The following COBL variants were observed in gnomAD, a reference collection of about 807,000 sequenced individuals.
The protein encoded by COBL is protein cordon-bleu.
COBL carries 51 observed loss-of-function variants against 98.8 expected under a neutral mutation model. That is an observed-to-expected ratio of 0.52 (90% CI 0.41 to 0.65). The LOEUF (loss-of-function observed/expected upper bound fraction) is 0.65, where lower values mean the gene tolerates loss of function less well. Ranked by LOEUF, COBL falls within the 30% of genes least tolerant of loss-of-function variation. The pLI, the probability that COBL is intolerant of heterozygous loss-of-function variation, is 0.00. For synonymous variants in COBL, 634 were observed against 651.7 expected (o/e 0.97, Z 0.41); for missense variants, 1,617 against 1,617.5 (o/e 1.00, Z 0.01).
At chr7:51,042,638 G>A (rs977722830) in intron 8 of COBL, among the ~76,000 whole-genome samples, 2 of 152,112 alleles carry the variant, frequency 1.3e-5, no homozygotes, top group Admixed American at 6.5e-5. Context: ...TTGGGATTAC[G>A]GGCATGAGCC....
At chr7:51,277,300 G>A (rs1459575081) in intron 1 of COBL, among the ~76,000 whole-genome samples, 1 of 152,176 alleles carries the variant, frequency 6.6e-6, no homozygotes, top group African/African-American at 2.4e-5. Flanking sequence ...GAAGGTATGT[G>A]TGTGCATCTG....
At chr7:51,168,085 T>C (rs1787498128) in intron 5 of COBL, among the ~76,000 whole-genome samples, 1 of 151,190 alleles carries the variant, frequency 6.6e-6, no homozygotes, top group African/African-American at 2.4e-5. Context: ...GTTTAAAAGC[T>C]TCTACACGGC....
chr7:51,242,191 C>T (rs1795850171), intron 1 of COBL, among the ~76,000 whole-genome samples: 1 of 152,184 alleles, frequency 6.6e-6, no homozygotes, highest in African/African-American at 2.4e-5. Flanking sequence ...ACTTCAGCCT[C>T]TGATTGGTCC....
chr7:51,308,065 G>A (rs561299945), intron 1 of COBL, among the ~76,000 whole-genome samples: 6 of 152,306 alleles, frequency 3.9e-5, no homozygotes, highest in East Asian at 1.9e-4. Flanking sequence ...GGATAGGTGG[G>A]CGGACGGGAA....
chr7:51,157,725 A>G (rs1254564851), intron 5 of COBL, among the ~76,000 whole-genome samples: 1 of 152,182 alleles, frequency 6.6e-6, no homozygotes, highest in Non-Finnish European at 1.5e-5. Flanking sequence ...AAGTCTATTT[A>G]TTGTACTATA....
At chr7:51,076,549 T>C (rs141121659) in intron 7 of COBL, among the ~76,000 whole-genome samples, 129 of 152,384 alleles carry the variant, frequency 8.5e-4, no homozygotes, top group Middle Eastern at 3.4e-3. Flanking sequence ...ATTATTATTA[T>C]TTCTGCATTG....
At chr7:51,242,346 C>CTT (rs1414753148) in intron 1 of COBL, among the ~76,000 whole-genome samples, 1 of 152,228 alleles carries the variant, frequency 6.6e-6, no homozygotes, top group Non-Finnish European at 1.5e-5. Context: ...CTCGGGTGCA[C>CTT]TCCAACCCTG....
chr7:51,253,783 T>C (rs1163014330), intron 1 of COBL, among the ~76,000 whole-genome samples: 1 of 152,248 alleles, frequency 6.6e-6, no homozygotes, highest in East Asian at 1.9e-4. Context: ...TCTTAAAATA[T>C]GTTCCAATAA....
At position 51,219,552 on chromosome 7, in the gene COBL, G is replaced by A. The variant is rs564902568; in HGVS notation, c.245+189C>T. Among the ~76,000 whole-genome samples the A allele has an allele frequency of 3.9e-5, 6 of 152,252 alleles. No homozygotes were observed. In the South Asian group the frequency reaches 1.0e-3, roughly 26 times the overall value. On this transcript the variant is annotated intron_variant, in intron 2 of 12. Coordinates refer to ENST00000265136, the MANE Select transcript of COBL (RefSeq NM_015198.5). ...ATCATGGCTGGATCAATTAGCATAA[G>A]CCCACCCCAGGTAAGACAGACAGTT...
At chr7:51,087,634 G>A (rs1194586071) in intron 6 of COBL, among the ~76,000 whole-genome samples, 4 of 151,858 alleles carry the variant, frequency 2.6e-5, no homozygotes, top group East Asian at 1.9e-4. Flanking sequence ...CCACCACGCC[G>A]GGCTAATTTT....
intron 5 of COBL, among the ~76,000 whole-genome samples, chr7:51,142,765 G>C (rs140949350): frequency 2.6e-3 from 391 of 152,274 alleles, no homozygotes; most frequent in African/African-American, 9.1e-3. Context: ...TTATGAAGCA[G>C]GACCATCTGC....
intron 2 of COBL, among the ~76,000 whole-genome samples, 178 bp downstream of exon 2, chr7:51,219,563 G>C (rs1396123975): frequency 1.3e-5 from 2 of 152,180 alleles, no homozygotes; most frequent in Admixed American, 1.3e-4. Flanking sequence ...CCCACCCCAG[G>C]TAAGACAGAC....
At chr7:51,153,612 A>T (rs1785791492) in intron 5 of COBL, among the ~76,000 whole-genome samples, 1 of 152,206 alleles carries the variant, frequency 6.6e-6, no homozygotes, top group African/African-American at 2.4e-5. Flanking sequence ...TACACAGTAG[A>T]TGGGCAATAT....
At chr7:51,218,509 C>T (rs1162141719) in intron 2 of COBL, among the ~76,000 whole-genome samples, 1 of 152,168 alleles carries the variant, frequency 6.6e-6, no homozygotes, top group Non-Finnish European at 1.5e-5. Context: ...AAGTTTCACT[C>T]GTTGCCCAGG....
rs185712154 is a variant in COBL, at chr7:51,090,707, C to T, written c.958-5403G>A. The stretch of plus-strand genomic sequence containing the variant: ...AAAGCACCCAGCTCACTGCTTATCC[C>T]TCGGGAGGAAATGAGTAAAAAGTAC... On this transcript the variant is annotated intron_variant, in intron 6 of 12. Coordinates refer to ENST00000265136, the MANE Select transcript of COBL (RefSeq NM_015198.5). 7.1e-3 allele frequency among the ~76,000 whole-genome samples: 1,084 copies of T among 152,332 alleles called. 13 individuals carry two copies. Among genetic ancestry groups the T allele is most frequent in the African/African-American group, 0.025 (1,052 of 41,572 alleles).
intron 4 of COBL, among the ~76,000 whole-genome samples, chr7:51,185,310 C>T (rs1480444393): frequency 6.6e-6 from 1 of 152,230 alleles, no homozygotes. Context: ...CCCAGCACTA[C>T]ACAGTCAAAC....
rs187726112 is a variant in COBL at position 51,065,025 on chromosome 7, T to C, written c.1096+20141A>G. Reference sequence around the variant, plus strand: ...TTTCAGACAGACAGAATTCATTACATTAGAACTGTGTGAATAACACTGATT... The same window carrying C: ...TTTCAGACAGACAGAATTCATTACACTAGAACTGTGTGAATAACACTGATT... On this transcript the variant is annotated intron_variant, in intron 7 of 12. Transcript: ENST00000265136. 1.4e-5 allele frequency: 9 copies of C among 624,050 alleles called. No individual in the cohort carries two copies. In the Admixed American group the frequency reaches 1.8e-4, roughly 12 times the overall value. 38.7% of individuals were successfully genotyped at this position (624,050 alleles called of 1,614,324 possible). A position where few individuals can be genotyped will look rare whatever the true frequency, so the allele number is the denominator to read the frequency against.
At chr7:51,058,706 T>C (rs1791018399) in intron 7 of COBL, among the ~76,000 whole-genome samples, 1 of 152,192 alleles carries the variant, frequency 6.6e-6, no homozygotes, top group Admixed American at 6.5e-5. Context: ...ACAGTATTCA[T>C]TCACTCAGGA....
intron 6 of COBL, among the ~76,000 whole-genome samples, chr7:51,114,767 A>G (rs996968505): frequency 6.6e-5 from 10 of 152,184 alleles, no homozygotes; most frequent in African/African-American, 2.4e-4. Flanking sequence ...CTACCCTGTT[A>G]CGTCACTCTT....
Sources: gnomAD v4.1 joint callset for allele counts (sites outside exome capture counted in the v4.1 genomes callset) on GRCh38, gnomAD v4.1.1 for gene constraint, MANE v1.5 for transcripts, NCBI Gene and HGNC (gene_info 2026-07-23, HGNC 2026-07-21) for gene names.